ARID5B: variants seen among roughly 807,000 people sequenced by gnomAD.
ARID5B encodes the protein AT-rich interactive domain-containing protein 5B.
ARID5B carries 13 observed loss-of-function variants against 97.2 expected under a neutral mutation model. The ratio of observed to expected loss-of-function variants is 0.13; its 90% CI spans 0.09 to 0.21. The LOEUF is 0.21. Among genes scored for constraint, ARID5B ranks in the 10% least tolerant of loss-of-function variants. The pLI, the probability that ARID5B is intolerant of heterozygous loss-of-function variation, is 1.00. For synonymous variants in ARID5B, 556 were observed against 570.3 expected (o/e 0.97, Z 0.36); for missense variants, 1,210 against 1,465.3 (o/e 0.83, Z 2.84).
At chr10:62,035,595 A>T (rs1384375740) in intron 4 of ARID5B, among the ~76,000 whole-genome samples, 1 of 151,938 alleles carries the variant, frequency 6.6e-6, no homozygotes, top group Non-Finnish European at 1.5e-5. Flanking sequence ...GGTTTAAGTG[A>T]TTCTCCTGTC....
At chr10:62,050,860 A>G (rs375447123) in intron 4 of ARID5B, 28 bp from the exon 5 acceptor site, 98 of 1,576,434 alleles carry the variant, frequency 6.2e-5, no homozygotes, top group Non-Finnish European at 6.9e-5. Flanking sequence ...GTGAAAATGT[A>G]TATCAATTGT....
intron 2 of ARID5B, among the ~76,000 whole-genome samples, chr10:61,904,392 G>A (rs973670094): frequency 6.6e-6 from 1 of 152,096 alleles, no homozygotes; most frequent in African/African-American, 2.4e-5. Flanking sequence ...TAAGAATAAA[G>A]GCTATATTTG....
chr10:61,973,580 T>TACAC (rs148508805), intron 3 of ARID5B, among the ~76,000 whole-genome samples: 5 of 150,196 alleles, frequency 3.3e-5, no homozygotes, highest in South Asian at 2.1e-4. Flanking sequence ...CACACATGCA[T>TACAC]ACACACACAC....
chr10:61,919,971 G>T (rs1589219101), intron 2 of ARID5B, among the ~76,000 whole-genome samples: 1 of 151,638 alleles, frequency 6.6e-6, no homozygotes, highest in South Asian at 2.1e-4. Flanking sequence ...CCACATTTTT[G>T]ATATTACTAG....
intron 2 of ARID5B, among the ~76,000 whole-genome samples, chr10:61,924,234 G>T (rs1844064410): frequency 6.6e-6 from 1 of 152,210 alleles, no homozygotes; most frequent in Admixed American, 6.5e-5. Context: ...GGACTCAGGC[G>T]GTTGTAGTTG....
chr10:62,072,058 G>T (rs75574090), intron 8 of ARID5B, among the ~76,000 whole-genome samples: 13,952 of 152,252 alleles, frequency 0.092, 800 homozygotes, highest in East Asian at 0.22. Flanking sequence ...TAGGGTGACA[G>T]AACAGAGAAG....
Position 61,942,162 on chromosome 10 carries a change from G to C in ARID5B, c.502+1754G>C, listed in dbSNP as rs538915478. Reference sequence around the variant, plus strand: ...TATAGCAAGGTTTATGTTTAAAATTGTGTTTAAAATGGATAATTTATTAAT... The same window carrying C: ...TATAGCAAGGTTTATGTTTAAAATTCTGTTTAAAATGGATAATTTATTAAT... On this transcript the variant is annotated intron_variant, in intron 3 of 9. Coordinates refer to ENST00000279873, the MANE Select transcript of ARID5B (RefSeq NM_032199.3). Among the ~76,000 whole-genome samples, 224 of 152,210 alleles carry C rather than the reference G, an allele frequency of 1.5e-3. 1 individual carries two copies. The highest frequency in any genetic ancestry group is 5.2e-3 in the African/African-American group (217 of 41,520).
intron 8 of ARID5B, among the ~76,000 whole-genome samples, chr10:62,076,264 G>T (rs1472592515): frequency 6.6e-6 from 1 of 152,162 alleles, no homozygotes; most frequent in Non-Finnish European, 1.5e-5. Context: ...TCTGTGGTGG[G>T]CATGGTGGCT....
At chr10:61,917,945 G>T (rs1286202733) in intron 2 of ARID5B, among the ~76,000 whole-genome samples, 2 of 152,308 alleles carry the variant, frequency 1.3e-5, no homozygotes, top group Admixed American at 1.3e-4. Context: ...CCTGGAAGGT[G>T]TCCTGGAGAA....
chr10:61,951,212 T>A (rs1838320713), intron 3 of ARID5B, among the ~76,000 whole-genome samples: 1 of 152,254 alleles, frequency 6.6e-6, no homozygotes, highest in Non-Finnish European at 1.5e-5. Context: ...CAGACTGGAA[T>A]AATAGTGGGT....
At chr10:61,978,336 C>A (rs1838729233) in intron 3 of ARID5B, among the ~76,000 whole-genome samples, 1 of 152,126 alleles carries the variant, frequency 6.6e-6, no homozygotes, top group South Asian at 2.1e-4. Flanking sequence ...TTGACTTGGC[C>A]ATGCAGGCTC....
At chr10:61,906,051 T>C (rs973975663) in intron 2 of ARID5B, among the ~76,000 whole-genome samples, 3 of 152,206 alleles carry the variant, frequency 2.0e-5, no homozygotes, top group Non-Finnish European at 2.9e-5. Context: ...GGAACCTCAG[T>C]TTCTTCAGCT....
At chr10:61,908,799 CAAAA>C (rs369792859) in intron 2 of ARID5B, among the ~76,000 whole-genome samples, 5 of 50,994 alleles carry the variant, frequency 9.8e-5, no homozygotes, top group Admixed American at 2.6e-4. Flanking sequence ...GACTCCATCT[CAAAA>C]AAAAAAAAAA....
At chr10:62,051,750 A>G (rs1358176143) in intron 5 of ARID5B, among the ~76,000 whole-genome samples, 1 of 152,084 alleles carries the variant, frequency 6.6e-6, no homozygotes, top group Non-Finnish European at 1.5e-5. Flanking sequence ...TCAGATTTCC[A>G]TGGTTCTGTT....
In ARID5B at chr10:62,028,790, G is replaced by C. The variant is rs565268961; in HGVS notation, c.734-22098G>C. 5.3e-5 allele frequency among the ~76,000 whole-genome samples: 8 copies of C among 152,142 alleles called. No individual in the cohort carries two copies. In the East Asian group the frequency reaches 1.4e-3, roughly 26 times the overall value. Reference sequence around the variant, plus strand: ...AGCCTGGCCAACATGGCGAAATCCTGTCTCTACTAAAAATACAAAAATTAG... The same window carrying C: ...AGCCTGGCCAACATGGCGAAATCCTCTCTCTACTAAAAATACAAAAATTAG... On this transcript the variant is annotated intron_variant, in intron 4 of 9. Coordinates refer to ENST00000279873, the MANE Select transcript of ARID5B (RefSeq NM_032199.3).
At chr10:61,940,068 C>G in intron 2 of ARID5B, 115 bp from the exon 3 acceptor site, 1 of 838,326 alleles carries the variant, frequency 1.2e-6, no homozygotes, top group Non-Finnish European at 2.0e-6. Flanking sequence ...ACACAGTCTC[C>G]TTGCATTAGG....
intron 2 of ARID5B, among the ~76,000 whole-genome samples, chr10:61,924,167 G>C (rs548498562): frequency 3.4e-4 from 52 of 152,208 alleles, no homozygotes; most frequent in Non-Finnish European, 5.3e-4. Context: ...ATGTCTTGAG[G>C]AAAAGTTAGG....
chr10:62,011,118 G>A (rs1339252044), intron 4 of ARID5B, among the ~76,000 whole-genome samples: 1 of 152,142 alleles, frequency 6.6e-6, no homozygotes, highest in East Asian at 1.9e-4. Context: ...CCTTCTCTTG[G>A]GAGAGTTGCA....
chr10:61,930,018 T>A (rs1235856147), intron 2 of ARID5B, among the ~76,000 whole-genome samples: 4 of 152,228 alleles, frequency 2.6e-5, no homozygotes, highest in Non-Finnish European at 4.4e-5. Flanking sequence ...AACAAGGGAC[T>A]AGAGTGTGGA....
Sources: allele counts gnomAD v4.1 joint callset (sites outside exome capture counted in the v4.1 genomes callset), GRCh38; gene constraint gnomAD v4.1.1; transcripts MANE v1.5; gene names NCBI Gene and HGNC (gene_info 2026-07-23, HGNC 2026-07-21).